PHF24: variants seen among roughly 807,000 people sequenced by gnomAD.
PHF24 encodes the protein PHD finger protein 24, also known as Galpha inhibitory interacting protein.
PHF24 carries 25 observed loss-of-function variants against 42.6 expected under a neutral mutation model. The observed-to-expected ratio is 0.59, with a 90% CI of 0.43 to 0.82. The LOEUF is 0.82. Ranked by LOEUF, PHF24 falls within the 40% of genes least tolerant of loss-of-function variation. PHF24 has a pLI of 0.00. For missense variants in PHF24, 470 were observed against 538.1 expected, an observed-to-expected ratio of 0.87 and a Z score of 1.25; for synonymous variants, 185 against 204.8, an observed-to-expected ratio of 0.90 and a Z score of 0.83.
chr9:34,851,468 G>T, the PHF24 span, among the ~76,000 whole-genome samples: 9 of 152,176 alleles, frequency 5.9e-5, no homozygotes, highest in African/African-American at 2.2e-4. Context: ...TGCAGTATTG[G>T]GGTGGGAGTG....
At chr9:34,922,968 GC>G in the PHF24 span, 3 of 1,179,404 alleles carry the variant, frequency 2.5e-6, no homozygotes, top group Non-Finnish European at 2.3e-6. Flanking sequence ...GCATGGCCTC[GC>G]CCCAGTCTAC....
the PHF24 span, among the ~76,000 whole-genome samples, chr9:34,742,720 A>G: frequency 7.1e-6 from 1 of 140,610 alleles, no homozygotes; most frequent in Admixed American, 7.6e-5. Flanking sequence ...GTGAGCCACA[A>G]TGCCCGGCTT....
chr9:34,881,072 G>A, the PHF24 span, among the ~76,000 whole-genome samples: 2 of 152,058 alleles, frequency 1.3e-5, no homozygotes, highest in African/African-American at 2.4e-5. Flanking sequence ...AAACCACTCA[G>A]CTACATGGAA....
the PHF24 span, among the ~76,000 whole-genome samples, chr9:34,879,605 T>C: frequency 5.4e-4 from 82 of 152,272 alleles, no homozygotes; most frequent in African/African-American, 1.9e-3. Flanking sequence ...AAGGTATCAG[T>C]GATTGAAGAT....
At chr9:34,919,744 ATATC>A in the PHF24 span, among the ~76,000 whole-genome samples, 1 of 133,054 alleles carries the variant, frequency 7.5e-6, no homozygotes, top group Admixed American at 7.9e-5. Context: ...TCTACTCTCT[ATATC>A]TATGAGTTCA....
the PHF24 span, among the ~76,000 whole-genome samples, chr9:34,703,054 T>C: frequency 6.6e-6 from 1 of 152,194 alleles, no homozygotes; most frequent in Admixed American, 6.5e-5. Flanking sequence ...CGATTATAGC[T>C]GGGAAACAAA....
At chr9:34,862,492 G>A in the PHF24 span, among the ~76,000 whole-genome samples, 2 of 151,956 alleles carry the variant, frequency 1.3e-5, no homozygotes, top group Admixed American at 1.3e-4. Context: ...GAGTTGTGAG[G>A]CCCCCATCCC....
chr9:34,889,452 G>A, the PHF24 span: 2 of 398,514 alleles, frequency 5.0e-6, 1 homozygote, highest in Admixed American at 8.8e-5. Context: ...CTTCTGTGTT[G>A]TAGCTCCCCA....
At chr9:34,775,588 G>T in the PHF24 span, among the ~76,000 whole-genome samples, 12 of 152,264 alleles carry the variant, frequency 7.9e-5, no homozygotes, top group East Asian at 1.2e-3. Flanking sequence ...GCAATTGGGT[G>T]TGAGGTACAT....
the PHF24 span, among the ~76,000 whole-genome samples, chr9:34,760,100 C>T: frequency 1.3e-5 from 2 of 152,116 alleles, no homozygotes; most frequent in South Asian, 2.1e-4. Flanking sequence ...CAGCAAACGA[C>T]GGGGATGAAG....
chr9:34,832,128 T>C, the PHF24 span, among the ~76,000 whole-genome samples: 2 of 152,100 alleles, frequency 1.3e-5, no homozygotes, highest in African/African-American at 2.4e-5. Context: ...CTGAAACATA[T>C]AGAGTGCATT....
chr9:34,980,259 G>T (rs1827343524), exon 8 of PHF24: 1 of 152,248 alleles, frequency 6.6e-6, no homozygotes, highest in African/African-American at 2.4e-5. Context: ...ACGGGTGAGT[G>T]AGGAGAGTTG....
At chr9:34,826,966 A>G in the PHF24 span, among the ~76,000 whole-genome samples, 1 of 152,196 alleles carries the variant, frequency 6.6e-6, no homozygotes, top group Admixed American at 6.5e-5. Flanking sequence ...AGCATTCCAC[A>G]TAAGTCATAG....
chr9:34,964,656 T>G (rs778849030), intron 1 of PHF24, among the ~76,000 whole-genome samples: 22 of 152,186 alleles, frequency 1.4e-4, no homozygotes, highest in Non-Finnish European at 3.1e-4. Context: ...AAGCAGGTGC[T>G]CTGCAGAAAA....
At chr9:34,953,796 G>GT, upstream of PHF24, among the ~76,000 whole-genome samples, 1 of 151,896 alleles carries the variant, frequency 6.6e-6, no homozygotes, top group East Asian at 1.9e-4. The surrounding 1 kb of genome is among the most constrained non-coding windows in gnomAD (Gnocchi z 4.1). Flanking sequence ...ATATATATAT[G>GT]TTTTTTTAAA....
the PHF24 span, among the ~76,000 whole-genome samples, chr9:34,797,631 A>G: frequency 6.6e-6 from 1 of 150,384 alleles, no homozygotes; most frequent in Non-Finnish European, 1.5e-5. Context: ...GCTCCCCTCA[A>G]TGGCTTCTCG....
chr9:34,859,271 A>G, the PHF24 span, among the ~76,000 whole-genome samples: 1 of 152,200 alleles, frequency 6.6e-6, no homozygotes, highest in Non-Finnish European at 1.5e-5. Context: ...AGTCTGAGTT[A>G]GGTGACTCGG....
At chr9:34,723,643 A>G in the PHF24 span, 1 of 1,551,716 alleles carries the variant, frequency 6.4e-7, no homozygotes, top group African/African-American at 1.4e-5. Context: ...TCTTTTGAGC[A>G]TGGACTGGCA....
the PHF24 span, among the ~76,000 whole-genome samples, chr9:34,886,826 G>GTATCTATCTATCTATCTATCTATC: frequency 9.9e-5 from 8 of 80,808 alleles, no homozygotes; most frequent in African/African-American, 2.3e-4. Context: ...ATGTATCTAT[G>GTATCTATCTATCTATCTATCTATC]TATCTATGTA....
Sources: allele counts gnomAD v4.1 joint callset (sites outside exome capture counted in the v4.1 genomes callset), GRCh38; gene constraint gnomAD v4.1.1; non-coding constraint Gnocchi (gnomAD v3.1); transcripts MANE v1.5; gene names NCBI Gene and HGNC (gene_info 2026-07-23, HGNC 2026-07-21).